DNM1: variants seen among roughly 807,000 people sequenced by gnomAD.
The protein encoded by DNM1 is dynamin 1.
A neutral mutation model predicts 104.6 loss-of-function variants in DNM1; 29 were observed. That is an observed-to-expected ratio of 0.28 (90% CI 0.21 to 0.38). DNM1 has a LOEUF of 0.38. DNM1 is among the 10% of genes least tolerant of loss of function. The pLI, the probability that DNM1 is intolerant of heterozygous loss-of-function variation, is 1.00. For missense variants in DNM1, 640 were observed against 1,189.4 expected, an observed-to-expected ratio of 0.54 and a Z score of 6.79; for synonymous variants, 445 against 475.8, an observed-to-expected ratio of 0.94 and a Z score of 0.84.
At position 128,220,128 on chromosome 9, in the gene DNM1, C is replaced by T. The variant is rs1564329769; in HGVS notation, c.688+42C>T. 1 of 1,612,032 alleles carries T rather than the reference C, an allele frequency of 6.2e-7. No individual in the cohort carries two copies. Among genetic ancestry groups the T allele is most frequent in the Non-Finnish European group, 8.5e-7 (1 of 1,178,116 alleles). On this transcript the variant is annotated intron_variant, in intron 5 of 21. Coordinates refer to ENST00000372923, the MANE Select transcript of DNM1 (RefSeq NM_004408.4). The surrounding 1 kb of genome is among the most constrained non-coding windows in gnomAD (Gnocchi z 5.2). ...CCTCAACCACTCCCCAGCCCTTCCC[C>T]ACCCTTCCCCTCCTCTTGAGGCTGG...
intron 10 of DNM1, among the ~76,000 whole-genome samples, chr9:128,230,837 C>T (rs1443258347): frequency 1.3e-4 from 20 of 148,770 alleles, no homozygotes; most frequent in Non-Finnish European, 6.0e-5. Flanking sequence ...AAGTCTTGCT[C>T]TGTCACCCAG....
intron 10 of DNM1, chr9:128,232,182 C>T (rs542273190): frequency 2.5e-6 from 1 of 395,180 alleles, no homozygotes; most frequent in African/African-American, 2.1e-5. Flanking sequence ...CTCCCTCCTT[C>T]TCCCTGCTCC....
Position 128,254,966 on chromosome 9 carries a change from G to A in DNM1, c.*252G>A, listed in dbSNP as rs1435196011. The A allele has an allele frequency of 2.0e-5, 8 of 394,402 alleles. No homozygotes were observed. Among genetic ancestry groups the A allele is most frequent in the South Asian group, 3.5e-5 (1 of 28,568 alleles). 24.4% of individuals were successfully genotyped at this position (394,402 alleles called of 1,614,324 possible). A position where few individuals can be genotyped will look rare whatever the true frequency, so the allele number is the denominator to read the frequency against. ...TATACACACCTACACATGGCCAACC[G>A]CCTCGCCTCTAGCGCTGGGAATCAG... On this transcript the variant is annotated 3_prime_UTR_variant, in exon 22 of 22. Coordinates refer to ENST00000372923, the MANE Select transcript of DNM1 (RefSeq NM_004408.4). This position sits in a 1 kb window ranked among gnomAD's most constrained non-coding sequence, Gnocchi z 6.1.
intron 10 of DNM1, among the ~76,000 whole-genome samples, chr9:128,226,904 G>A (rs536594077): frequency 2.6e-5 from 4 of 152,154 alleles, no homozygotes; most frequent in Admixed American, 1.3e-4. Context: ...AGGTGCCAGG[G>A]GTGAGCCCAG....
At chr9:128,211,232 C>T (rs1253721676) in intron 1 of DNM1, among the ~76,000 whole-genome samples, 5 of 152,180 alleles carry the variant, frequency 3.3e-5, no homozygotes, top group Non-Finnish European at 7.3e-5. Flanking sequence ...GCATGAAACT[C>T]TCTCCAGCCT....
At chr9:128,231,095 G>T (rs539465981) in intron 10 of DNM1, among the ~76,000 whole-genome samples, 2 of 151,222 alleles carry the variant, frequency 1.3e-5, no homozygotes, top group Admixed American at 1.3e-4. Flanking sequence ...GCGCCACCAT[G>T]CCCTGCCGTC....
chr9:128,218,151 C>G lies in DNM1; in HGVS notation c.162-80C>G. 3.5e-6 allele frequency: 5 copies of G among 1,418,716 alleles called. No homozygotes were observed. In the South Asian group the frequency reaches 5.7e-5, roughly 16 times the overall value. The allele number at this position is 1,418,716 out of a possible 1,614,324, so 87.9% of individuals were successfully genotyped here. A position where few individuals can be genotyped will look rare whatever the true frequency, so the allele number is the denominator to read the frequency against. On this transcript the variant is annotated intron_variant, in intron 1 of 21. Transcript: ENST00000372923. This position sits in a 1 kb window ranked among gnomAD's most constrained non-coding sequence, Gnocchi z 4.8. ...CACTTTGGAAGGAGCTTTGGCTTTC[C>G]CAGGGGCCGGACAGGTACCCCTGGG...
rs879018201 is a variant in DNM1, at chr9:128,239,860, G to A, written c.1545+81G>A. 4.4e-6 allele frequency: 7 copies of A among 1,575,364 alleles called. No individual in the cohort carries two copies. The South Asian group carries it at 6.7e-5, about 15-fold the overall frequency. ...GACTCTGAGAGCCCCCTCCCCTGAG[G>A]GGAAGGGTCCCACGGGGGCCAGGGA... On this transcript the variant is annotated intron_variant, in intron 13 of 21. Transcript: ENST00000372923.
Position 128,243,390 on chromosome 9 carries a change from G to T in DNM1, c.1671+1045G>T, listed in dbSNP as rs188345757. 1.7e-3 allele frequency among the ~76,000 whole-genome samples: 222 copies of T among 129,542 alleles called. 1 individual carries two copies. Among genetic ancestry groups the T allele is most frequent in the African/African-American group, 6.0e-3 (212 of 35,480 alleles). 85.0% of individuals were successfully genotyped at this position (129,542 alleles called of 152,430 possible). ...TGTTGGAGGCTACAGCATCCTCAAC[G>T]GGGGAGCGGGGCTCTGGGTGGGGCC... On this transcript the variant is annotated intron_variant, in intron 15 of 21. Transcript: ENST00000372923. This position sits in a 1 kb window ranked among gnomAD's most constrained non-coding sequence, Gnocchi z 4.0.
rs1007155416 is a variant in DNM1, at chr9:128,250,836, G to A, written c.2430G>A (p.Gly810=). ...CTCCGCCTGCTGGGTCCGCCCTGGGGGGGGCGCCCCCCGTGCCCTCCAGGC... is the reference window on the plus strand; with the variant it reads ...CTCCGCCTGCTGGGTCCGCCCTGGGAGGGGCGCCCCCCGTGCCCTCCAGGC... The part of the protein sequence containing the change: ...PGPPPAGSAL[G]GAPPVPSRPG... The change falls in exon 21 of 22, where the codon GGG becomes GGA. Residue 810 remains glycine (G), a synonymous_variant. Coordinates refer to ENST00000372923, the MANE Select transcript of DNM1 (RefSeq NM_004408.4). 2.7e-4 allele frequency: 350 copies of A among 1,309,058 alleles called. No homozygotes were observed. The highest frequency in any genetic ancestry group is 3.3e-4 in the Admixed American group (8 of 24,116). The allele number at this position is 1,309,058 out of a possible 1,614,324, so 81.1% of individuals were successfully genotyped here.
intron 10 of DNM1, among the ~76,000 whole-genome samples, chr9:128,227,240 CT>C (rs1305796567): frequency 2.0e-5 from 3 of 151,730 alleles, no homozygotes; most frequent in Non-Finnish European, 2.9e-5. Context: ...TCTTGAACCC[CT>C]GACCGGAGGT....
Position 128,222,060 on chromosome 9 carries a change from A to T in DNM1, c.850-137A>T. On this transcript the variant is annotated intron_variant, in intron 6 of 21. Coordinates refer to ENST00000372923, the MANE Select transcript of DNM1 (RefSeq NM_004408.4). This position sits in a 1 kb window ranked among gnomAD's most constrained non-coding sequence, Gnocchi z 7.8. ...CCTTCTATGAACCAGTTTTCTTGCT[A>T]GTGGCCCGGGCAGCAGTGGCAGGGC... 1.0e-6 allele frequency: 1 copy of T among 993,310 alleles called. No homozygotes were observed. The highest frequency in any genetic ancestry group is 1.5e-6 in the Non-Finnish European group (1 of 682,658). 61.5% of individuals were successfully genotyped at this position (993,310 alleles called of 1,614,324 possible). A position where few individuals can be genotyped will look rare whatever the true frequency, so the allele number is the denominator to read the frequency against.
chr9:128,214,815 G>A (rs532444343), intron 1 of DNM1, among the ~76,000 whole-genome samples: 1 of 152,358 alleles, frequency 6.6e-6, no homozygotes, highest in Admixed American at 6.5e-5. Context: ...CACAGCACGC[G>A]GCCTCCGAGG....
chr9:128,253,188 G>A lies in DNM1; in HGVS notation c.2535-1466G>A. Reference sequence around the variant, plus strand: ...GCATGAACGGTGTGTCTGCCCCGCTGCACTAGCTCCACACGGGGCGCGCAC... The same window carrying A: ...GCATGAACGGTGTGTCTGCCCCGCTACACTAGCTCCACACGGGGCGCGCAC... On this transcript the variant is annotated intron_variant, in intron 21 of 21. Transcript: ENST00000372923. The surrounding 1 kb of genome is among the most constrained non-coding windows in gnomAD (Gnocchi z 5.9). 1 of 1,574,246 alleles carries A rather than the reference G, an allele frequency of 6.4e-7. No individual in the cohort carries two copies. The highest frequency in any genetic ancestry group is 8.6e-7 in the Non-Finnish European group (1 of 1,158,378).
intron 21 of DNM1, chr9:128,251,644 G>GCCC (rs1260500170): frequency 8.8e-6 from 1 of 114,062 alleles, no homozygotes; most frequent in Admixed American, 8.4e-5. Flanking sequence ...CACCCCCTCC[G>GCCC]CGACTTCTGG....
chr9:128,211,603 C>T lies in DNM1; in HGVS notation c.162-6628C>T, dbSNP rs561452816. 6.2e-4 allele frequency among the ~76,000 whole-genome samples: 94 copies of T among 151,642 alleles called. 1 individual carries two copies. The Middle Eastern group carries it at 0.014, about 22-fold the overall frequency. ...TCAAGCTGGGGCTTGAACTCCTGGCCCCAAGCGATCCTCCCACCTCAGCCT... is the reference window on the plus strand; with the variant it reads ...TCAAGCTGGGGCTTGAACTCCTGGCTCCAAGCGATCCTCCCACCTCAGCCT... On this transcript the variant is annotated intron_variant, in intron 1 of 21. Coordinates refer to ENST00000372923, the MANE Select transcript of DNM1 (RefSeq NM_004408.4).
chr9:128,211,472 CTTTTT>C lies in DNM1; in HGVS notation c.162-6737_162-6733del, dbSNP rs56712140. 7.9e-4 allele frequency among the ~76,000 whole-genome samples: 62 copies of C among 78,116 alleles called. 1 individual carries two copies. In the East Asian group the frequency reaches 0.021, roughly 26 times the overall value. 51.2% of individuals were successfully genotyped at this position (78,116 alleles called of 152,430 possible). A position where few individuals can be genotyped will look rare whatever the true frequency, so the allele number is the denominator to read the frequency against. On this transcript the variant is annotated intron_variant, in intron 1 of 21. Coordinates refer to ENST00000372923, the MANE Select transcript of DNM1 (RefSeq NM_004408.4). Reference sequence around the variant, plus strand: ...ATGCTGTTCTCTCGCCTGGAAGCCTCTTTTTTTTTTTTTTTTTTTTTTTTTTCTGT... The same window carrying C: ...ATGCTGTTCTCTCGCCTGGAAGCCTCTTTTTTTTTTTTTTTTTTTTTCTGT...
chr9:128,208,750 C>T (rs773171995), intron 1 of DNM1, among the ~76,000 whole-genome samples: 2 of 152,036 alleles, frequency 1.3e-5, no homozygotes, highest in Admixed American at 6.5e-5. Flanking sequence ...GCACGTTTGT[C>T]GTGTATTTTG....
chr9:128,208,053 T>C (rs972778738), intron 1 of DNM1, among the ~76,000 whole-genome samples: 1 of 151,558 alleles, frequency 6.6e-6, no homozygotes, highest in Non-Finnish European at 1.5e-5. Context: ...CCCATTCTTT[T>C]TTTTCTTTTT....
Sources: allele counts gnomAD v4.1 joint callset (sites outside exome capture counted in the v4.1 genomes callset), GRCh38; gene constraint gnomAD v4.1.1; non-coding constraint Gnocchi (gnomAD v3.1); transcripts MANE v1.5; gene names NCBI Gene and HGNC (gene_info 2026-07-23, HGNC 2026-07-21).